The following GRIP1 variants were observed in gnomAD, a reference collection of about 807,000 sequenced individuals.
GRIP1 encodes the protein glutamate receptor-interacting protein 1.
A neutral mutation model predicts 129.9 loss-of-function variants in GRIP1; 45 were observed. The ratio of observed to expected loss-of-function variants is 0.35; its 90% CI spans 0.27 to 0.44. The LOEUF (loss-of-function observed/expected upper bound fraction) is 0.44, where lower values mean the gene tolerates loss of function less well. Among genes scored for constraint, GRIP1 ranks in the 20% least tolerant of loss-of-function variants. GRIP1 has a pLI of 1.00. For missense variants in GRIP1, 1,196 were observed against 1,396.8 expected (o/e 0.86, Z 2.29); for synonymous variants, 530 against 520.8 (o/e 1.02, Z -0.24).
intron 14 of GRIP1, among the ~76,000 whole-genome samples, chr12:66,422,107 T>G (rs2057822747): frequency 6.6e-6 from 1 of 152,120 alleles, no homozygotes; most frequent in South Asian, 2.1e-4. Context: ...CACCCCATAA[T>G]AATCATAGAG....
intron 1 of GRIP1, among the ~76,000 whole-genome samples, chr12:66,940,779 A>G (rs914034794): frequency 2.0e-5 from 3 of 152,208 alleles, no homozygotes; most frequent in Non-Finnish European, 4.4e-5. Flanking sequence ...AGCATGAGTA[A>G]TGGTTCATAA....
chr12:66,674,272 G>A (rs1441786847), intron 1 of GRIP1, among the ~76,000 whole-genome samples: 1 of 152,192 alleles, frequency 6.6e-6, no homozygotes, highest in Non-Finnish European at 1.5e-5. Flanking sequence ...GACACAGACA[G>A]ATGGGAAAGA....
At chr12:66,650,972 A>C (rs2032752913) in intron 1 of GRIP1, among the ~76,000 whole-genome samples, 1 of 152,206 alleles carries the variant, frequency 6.6e-6, no homozygotes, top group Non-Finnish European at 1.5e-5. Flanking sequence ...AACTCATAGC[A>C]CTGCTGTAAG....
chr12:67,037,931 T>A (rs2043123104), intron 1 of GRIP1, among the ~76,000 whole-genome samples: 1 of 152,214 alleles, frequency 6.6e-6, no homozygotes, highest in Non-Finnish European at 1.5e-5. Flanking sequence ...AGGGCGTGTG[T>A]GATTAATAGG....
At chr12:66,566,164 C>T (rs542255706) in intron 2 of GRIP1, among the ~76,000 whole-genome samples, 14 of 152,232 alleles carry the variant, frequency 9.2e-5, no homozygotes, top group East Asian at 3.9e-4. Flanking sequence ...CTATGTTGAA[C>T]AGGAGTGGTG....
Position 66,419,230 on chromosome 12 carries a change from G to T in GRIP1, c.1838+1490C>A, listed in dbSNP as rs913244955. On this transcript the variant is annotated intron_variant, in intron 15 of 24. Coordinates refer to ENST00000359742, the MANE Select transcript of GRIP1 (RefSeq NM_001366722.1). ...CATCACATGTTCTCACTTATTTGTG[G>T]TATTTAAAAATCAAAATAACTGAAC... is the stretch of plus-strand genomic sequence containing the variant. Among the ~76,000 whole-genome samples, 6 of 152,134 alleles carry T rather than the reference G, an allele frequency of 3.9e-5. No homozygotes were observed. The East Asian group carries it at 1.2e-3, about 29-fold the overall frequency.
At chr12:66,984,866 C>T (rs916558569) in intron 1 of GRIP1, among the ~76,000 whole-genome samples, 1 of 152,150 alleles carries the variant, frequency 6.6e-6, no homozygotes. Context: ...ATAAACCATC[C>T]TAAACTTGGT....
At chr12:66,694,962 A>G (rs1367378592) in intron 1 of GRIP1, among the ~76,000 whole-genome samples, 5 of 152,238 alleles carry the variant, frequency 3.3e-5, no homozygotes, top group African/African-American at 4.8e-5. Flanking sequence ...CATCTCTCTG[A>G]AGCACTAAAG....
intron 1 of GRIP1, among the ~76,000 whole-genome samples, chr12:67,041,613 T>C (rs1045508425): frequency 7.2e-5 from 11 of 152,148 alleles, no homozygotes; most frequent in Non-Finnish European, 1.5e-4. Context: ...AAATCAGACA[T>C]CAGTAAATGC....
At chr12:66,717,679 C>T (rs949485057) in intron 1 of GRIP1, among the ~76,000 whole-genome samples, 4 of 152,042 alleles carry the variant, frequency 2.6e-5, no homozygotes, top group African/African-American at 9.7e-5. Context: ...TCTGCTTAGG[C>T]CTTAAAATGG....
At chr12:66,461,582 A>G (rs1236631013) in intron 9 of GRIP1, among the ~76,000 whole-genome samples, 1 of 152,166 alleles carries the variant, frequency 6.6e-6, no homozygotes, top group African/African-American at 2.4e-5. Context: ...ATGCTGCATC[A>G]TTTCTCTACT....
chr12:66,566,185 TC>T (rs1269092298), intron 2 of GRIP1, among the ~76,000 whole-genome samples: 58 of 152,202 alleles, frequency 3.8e-4, no homozygotes, highest in African/African-American at 1.4e-3. Flanking sequence ...AGAGAGGGCA[TC>T]CCTGTCTTGT....
intron 1 of GRIP1, among the ~76,000 whole-genome samples, chr12:66,783,852 A>G (rs1202451584): frequency 1.3e-5 from 2 of 152,178 alleles, no homozygotes; most frequent in Admixed American, 6.5e-5. Flanking sequence ...AGCTTGCGTT[A>G]AGATTTGATT....
At chr12:67,000,640 A>G (rs2042537785) in intron 1 of GRIP1, among the ~76,000 whole-genome samples, 1 of 152,174 alleles carries the variant, frequency 6.6e-6, no homozygotes, top group African/African-American at 2.4e-5. Flanking sequence ...AAATTCAGCA[A>G]GTTCATTAGG....
At chr12:66,647,225 G>A (rs1378722658) in intron 1 of GRIP1, 1 of 152,158 alleles carries the variant, frequency 6.6e-6, no homozygotes, top group Admixed American at 6.6e-5. Context: ...GAGGTTCTGT[G>A]GTTTCCAATA....
At chr12:66,992,953 A>C (rs1479716079) in intron 1 of GRIP1, among the ~76,000 whole-genome samples, 1 of 152,112 alleles carries the variant, frequency 6.6e-6, no homozygotes, top group Non-Finnish European at 1.5e-5. Flanking sequence ...TGTATTCCAA[A>C]AATACAAAAA....
chr12:66,494,560 GT>G (rs556122942), intron 7 of GRIP1, among the ~76,000 whole-genome samples: 2 of 152,126 alleles, frequency 1.3e-5, no homozygotes, highest in Non-Finnish European at 2.9e-5. Flanking sequence ...TCAAGACACA[GT>G]TACTTCATCT....
chr12:66,618,429 T>G (rs921488087), intron 1 of GRIP1, among the ~76,000 whole-genome samples: 8 of 152,222 alleles, frequency 5.3e-5, no homozygotes, highest in Non-Finnish European at 8.8e-5. Context: ...GTGGGGGATA[T>G]GGAGGAGAGT....
At chr12:66,828,454 C>T (rs7301821) in intron 1 of GRIP1, among the ~76,000 whole-genome samples, 11 of 152,052 alleles carry the variant, frequency 7.2e-5, no homozygotes, top group African/African-American at 2.7e-4. Flanking sequence ...TATTATGAAC[C>T]AACAGCTCAC....
Sources: allele counts gnomAD v4.1 joint callset (sites outside exome capture counted in the v4.1 genomes callset), GRCh38; gene constraint gnomAD v4.1.1; transcripts MANE v1.5; gene names NCBI Gene and HGNC (gene_info 2026-07-23, HGNC 2026-07-21).